DLGAP2: variants seen among roughly 807,000 people sequenced by gnomAD.
The protein encoded by DLGAP2 is DLG associated protein 2.
A neutral mutation model predicts 100.3 loss-of-function variants in DLGAP2; 26 were observed. That is an observed-to-expected ratio of 0.26 (90% CI 0.19 to 0.36). The LOEUF is 0.36. Among genes scored for constraint, DLGAP2 ranks in the 10% least tolerant of loss-of-function variants. DLGAP2 has a pLI of 1.00. For missense variants in DLGAP2, 1,858 were observed against 1,453.2 expected, an observed-to-expected ratio of 1.28 and a Z score of -4.53; for synonymous variants, 886 against 630.1, an observed-to-expected ratio of 1.41 and a Z score of -6.08.
At chr8:1,498,449 C>T (rs1188321792) in intron 3 of DLGAP2, among the ~76,000 whole-genome samples, 1 of 151,970 alleles carries the variant, frequency 6.6e-6, no homozygotes, top group South Asian at 2.1e-4. Context: ...ACGTGATGTG[C>T]CCGAGTCAGG....
intron 2 of DLGAP2, among the ~76,000 whole-genome samples, chr8:1,221,562 G>A (rs1798315041): frequency 6.6e-6 from 1 of 152,044 alleles, no homozygotes; most frequent in South Asian, 2.1e-4. Context: ...AGAACCTGAT[G>A]ACTATGTGTC....
At chr8:1,175,906 G>A (rs765852186) in intron 2 of DLGAP2, among the ~76,000 whole-genome samples, 13 of 152,180 alleles carry the variant, frequency 8.5e-5, no homozygotes, top group Admixed American at 2.6e-4. Context: ...TGGGGAGGTC[G>A]CATCCTCCCT....
chr8:1,578,595 A>T (rs564711984), intron 6 of DLGAP2, among the ~76,000 whole-genome samples: 24 of 152,332 alleles, frequency 1.6e-4, no homozygotes, highest in African/African-American at 4.3e-4. Flanking sequence ...TCTTGGAACA[A>T]TGCCAGAATT....
At chr8:838,395 T>G (rs1796921486) in intron 1 of DLGAP2, among the ~76,000 whole-genome samples, 1 of 151,704 alleles carries the variant, frequency 6.6e-6, no homozygotes, top group Admixed American at 6.6e-5. Flanking sequence ...TATTTTATTT[T>G]TTTATTATAT....
At chr8:1,171,612 G>C (rs892486236) in intron 2 of DLGAP2, among the ~76,000 whole-genome samples, 3 of 152,150 alleles carry the variant, frequency 2.0e-5, no homozygotes, top group Non-Finnish European at 4.4e-5. Context: ...TCTTCTTGTT[G>C]AATTGATCCC....
chr8:894,288 GACATCTCTGTGTT>G (rs1192337948), intron 1 of DLGAP2, among the ~76,000 whole-genome samples: 1 of 152,146 alleles, frequency 6.6e-6, no homozygotes, highest in Non-Finnish European at 1.5e-5. Flanking sequence ...GCACGGTCGA[GACATCTCTGTGTT>G]ACAGAGACTG....
chr8:1,506,760 C>G (rs181671875), intron 4 of DLGAP2, among the ~76,000 whole-genome samples: 6 of 152,184 alleles, frequency 3.9e-5, no homozygotes, highest in African/African-American at 1.4e-4. Flanking sequence ...GGTGCATTTA[C>G]AATCCCTGAG....
chr8:1,672,600 G>A (rs981254380), intron 10 of DLGAP2, among the ~76,000 whole-genome samples: 3 of 152,148 alleles, frequency 2.0e-5, no homozygotes, highest in Non-Finnish European at 2.9e-5. Context: ...AAGACTCTGC[G>A]GCTGTCCATT....
intron 3 of DLGAP2, chr8:1,380,094 C>G (rs1215722884): frequency 1.3e-5 from 2 of 152,164 alleles, no homozygotes; most frequent in Admixed American, 6.5e-5. Flanking sequence ...TGTTCTGGGT[C>G]TCATTCTCTT....
chr8:986,795 G>C (rs1436271748), intron 2 of DLGAP2, among the ~76,000 whole-genome samples: 1 of 151,980 alleles, frequency 6.6e-6, no homozygotes, highest in Non-Finnish European at 1.5e-5. Flanking sequence ...AAGTAGCCAG[G>C]ATTATAGGCA....
intron 1 of DLGAP2, among the ~76,000 whole-genome samples, chr8:759,624 C>T (rs992015880): frequency 2.0e-5 from 3 of 152,112 alleles, no homozygotes; most frequent in Non-Finnish European, 2.9e-5. Flanking sequence ...GGGACTGGGA[C>T]GGGTGTGCAT....
intron 2 of DLGAP2, among the ~76,000 whole-genome samples, chr8:998,564 A>G (rs1366380044): frequency 6.6e-6 from 1 of 151,916 alleles, no homozygotes; most frequent in Non-Finnish European, 1.5e-5. Flanking sequence ...CAGCCTCTCA[A>G]AGTGCTGGGA....
chr8:1,549,354 G>A lies in DLGAP2; in HGVS notation c.901G>A (p.Asp301Asn), dbSNP rs199838357. Residue 301 changes from aspartate (D) to asparagine (N), a missense_variant, in exon 5 of 15, where the codon GAC becomes AAC. Asp to Asn is a conservative substitution (Grantham distance 23). Transcript: ENST00000637795. ...CATGAGCAGCTGGTGGAGCTCGGAC[G>A]ACAACCTGGACAGCGACAGCACCTA... ...PGMSSWWSSD[D>N]NLDSDSTYRT... The A allele has an allele frequency of 1.9e-6, 3 of 1,613,232 alleles. No homozygotes were observed. Among genetic ancestry groups the A allele is most frequent in the Non-Finnish European group, 2.5e-6 (3 of 1,179,784 alleles).
At chr8:1,007,868 G>A (rs1243054133) in intron 2 of DLGAP2, among the ~76,000 whole-genome samples, 1 of 152,046 alleles carries the variant, frequency 6.6e-6, no homozygotes, top group Non-Finnish European at 1.5e-5. Flanking sequence ...AGTTTTTATG[G>A]CAAGGTCATT....
intron 2 of DLGAP2, among the ~76,000 whole-genome samples, chr8:1,254,510 C>T (rs1379238279): frequency 6.6e-6 from 1 of 152,120 alleles, no homozygotes; most frequent in Non-Finnish European, 1.5e-5. Context: ...AAGTGGCTCT[C>T]ATGAACTTAC....
chr8:1,271,135 T>C (rs902546454), intron 3 of DLGAP2, among the ~76,000 whole-genome samples: 3 of 152,120 alleles, frequency 2.0e-5, no homozygotes, highest in African/African-American at 7.2e-5. Flanking sequence ...GATTAAATAA[T>C]TAATTAAATC....
At chr8:817,083 G>A (rs771101925) in intron 1 of DLGAP2, among the ~76,000 whole-genome samples, 2 of 149,620 alleles carry the variant, frequency 1.3e-5, no homozygotes, top group Non-Finnish European at 2.9e-5. Flanking sequence ...GGGGCTTTCA[G>A]TGAGCCAAGA....
intron 5 of DLGAP2, among the ~76,000 whole-genome samples, chr8:1,552,453 C>G (rs183335039): frequency 1.3e-5 from 2 of 152,202 alleles, no homozygotes; most frequent in South Asian, 2.1e-4. Flanking sequence ...AGCTGAATAT[C>G]AGGAGCTGTG....
chr8:1,157,682 A>C (rs1013318608), intron 2 of DLGAP2, among the ~76,000 whole-genome samples: 1 of 152,192 alleles, frequency 6.6e-6, no homozygotes, highest in Non-Finnish European at 1.5e-5. Flanking sequence ...CTCTAATACA[A>C]ATAATAATAG....
Sources: gnomAD v4.1 joint callset for allele counts (sites outside exome capture counted in the v4.1 genomes callset) on GRCh38, gnomAD v4.1.1 for gene constraint, MANE v1.5 for transcripts, NCBI Gene and HGNC (gene_info 2026-07-23, HGNC 2026-07-21) for gene names.